The following TBC1D19 variants were observed in gnomAD, a reference collection of about 807,000 sequenced individuals.
TBC1D19 encodes TBC1 domain family member 19, also known as TBC1 domain family, member 19.
Under a neutral mutation model 89.0 loss-of-function variants are expected in TBC1D19, and 60 were observed. The ratio of observed to expected loss-of-function variants is 0.67; its 90% CI spans 0.55 to 0.84. The LOEUF (loss-of-function observed/expected upper bound fraction) is 0.84, where lower values mean the gene tolerates loss of function less well. TBC1D19 is among the 40% of genes least tolerant of loss of function. The pLI is 0.00. For missense variants in TBC1D19, 500 were observed against 610.8 expected (o/e 0.82, Z 1.91); for synonymous variants, 189 against 199.7 (o/e 0.95, Z 0.45).
chr4:26,577,858 T>C (rs915284405), intron 1 of TBC1D19, among the ~76,000 whole-genome samples: 6 of 152,210 alleles, frequency 3.9e-5, no homozygotes, highest in African/African-American at 1.2e-4. Flanking sequence ...TGTTAAAACC[T>C]TTTTATATTA....
intron 1 of TBC1D19, among the ~76,000 whole-genome samples, chr4:26,608,588 T>G (rs1741151205): frequency 6.6e-6 from 1 of 152,160 alleles, no homozygotes; most frequent in South Asian, 2.1e-4. Context: ...TATAGCAACC[T>G]TAAAGTACTG....
chr4:26,855,526 G>T, the TBC1D19 span, among the ~76,000 whole-genome samples: 1 of 152,058 alleles, frequency 6.6e-6, no homozygotes, highest in Non-Finnish European at 1.5e-5. Flanking sequence ...CCTTACGAAG[G>T]GTTTTCGTTT....
At chr4:26,603,482 C>T (rs1740766310) in intron 1 of TBC1D19, among the ~76,000 whole-genome samples, 1 of 152,072 alleles carries the variant, frequency 6.6e-6, no homozygotes. Flanking sequence ...TTTTGGTATA[C>T]TATCAAAGGA....
chr4:26,794,269 A>T, the TBC1D19 span, among the ~76,000 whole-genome samples: 1 of 152,180 alleles, frequency 6.6e-6, no homozygotes, highest in Non-Finnish European at 1.5e-5. Context: ...TTGAAATTAA[A>T]TTTTTTAAAA....
chr4:26,610,624 C>A (rs1465844076), intron 1 of TBC1D19, among the ~76,000 whole-genome samples: 1 of 151,808 alleles, frequency 6.6e-6, no homozygotes, highest in Non-Finnish European at 1.5e-5. Context: ...TCAAGTAGGC[C>A]CTGGTGTCTA....
the TBC1D19 span, among the ~76,000 whole-genome samples, chr4:26,771,590 T>C: frequency 2.0e-4 from 31 of 152,198 alleles, no homozygotes; most frequent in African/African-American, 7.0e-4. Context: ...ACTGCATGAT[T>C]CCACTTATAT....
intron 13 of TBC1D19, among the ~76,000 whole-genome samples, chr4:26,706,336 CTTAT>C: frequency 6.6e-6 from 1 of 152,216 alleles, no homozygotes; most frequent in Middle Eastern, 3.4e-3. Flanking sequence ...ATAGTACTCT[CTTAT>C]AATCCTTTTT....
chr4:26,768,124 T>C, the TBC1D19 span, among the ~76,000 whole-genome samples: 1 of 152,104 alleles, frequency 6.6e-6, no homozygotes, highest in Non-Finnish European at 1.5e-5. Flanking sequence ...AACATGCACA[T>C]GAGGAACCTA....
At chr4:26,839,580 G>C in the TBC1D19 span, among the ~76,000 whole-genome samples, 1 of 140,978 alleles carries the variant, frequency 7.1e-6, no homozygotes, top group Non-Finnish European at 1.6e-5. Flanking sequence ...TCACCCCCCC[G>C]CCCTTTCTGT....
intron 15 of TBC1D19, among the ~76,000 whole-genome samples, chr4:26,729,147 C>G (rs1185548957): frequency 6.6e-6 from 1 of 152,170 alleles, no homozygotes; most frequent in Non-Finnish European, 1.5e-5. Flanking sequence ...TTAGATAATA[C>G]ATCAGAGGCA....
intron 1 of TBC1D19, among the ~76,000 whole-genome samples, chr4:26,594,103 A>G (rs1205353910): frequency 2.6e-5 from 4 of 152,246 alleles, no homozygotes. Context: ...ATGTCCAACA[A>G]TGGTAGACTG....
At chr4:26,642,129 A>G (rs1349782445) in intron 7 of TBC1D19, among the ~76,000 whole-genome samples, 1 of 152,226 alleles carries the variant, frequency 6.6e-6, no homozygotes, top group African/African-American at 2.4e-5. Context: ...CATAACTGTC[A>G]GATTCACCAA....
At chr4:26,819,122 A>AGACAAAAG in the TBC1D19 span, among the ~76,000 whole-genome samples, 2 of 152,188 alleles carry the variant, frequency 1.3e-5, no homozygotes, top group Non-Finnish European at 2.9e-5. Context: ...GACAAAAGAA[A>AGACAAAAG]TCCCCAGCGA....
chr4:26,692,015 G>C (rs1714334126), intron 13 of TBC1D19, among the ~76,000 whole-genome samples: 1 of 152,026 alleles, frequency 6.6e-6, no homozygotes, highest in Non-Finnish European at 1.5e-5. Context: ...AGTCATCAAA[G>C]AAGAAAACAT....
chr4:26,673,709 T>C (rs1712545054), intron 10 of TBC1D19, 67 bp from the exon 11 acceptor site: 1 of 984,436 alleles, frequency 1.0e-6, no homozygotes, highest in African/African-American at 1.6e-5. Context: ...AGATTTATAA[T>C]TGAAGATTTC....
the TBC1D19 span, among the ~76,000 whole-genome samples, chr4:26,765,148 G>A: frequency 6.6e-6 from 1 of 152,114 alleles, no homozygotes; most frequent in Non-Finnish European, 1.5e-5. Context: ...ACTAGTAGGC[G>A]ACAGCAGGAT....
the TBC1D19 span, among the ~76,000 whole-genome samples, chr4:26,811,644 C>T: frequency 6.6e-6 from 1 of 152,250 alleles, no homozygotes; most frequent in African/African-American, 2.4e-5. Flanking sequence ...AGAATGGCTA[C>T]TCCATAGGCA....
downstream of TBC1D19, among the ~76,000 whole-genome samples, chr4:26,760,621 A>C (rs538372154): frequency 9.2e-5 from 14 of 152,104 alleles, no homozygotes; most frequent in Non-Finnish European, 1.6e-4. Context: ...GATGTAGCAT[A>C]TGGTTTGCAA....
At position 26,745,497 on chromosome 4, in the gene TBC1D19, C is replaced by CTTTTTT. The variant is rs71186486; in HGVS notation, c.1320-2891_1320-2886dup. ...GTGCCATGAGGTTTACAATATACTT[C>CTTTTTT]TTTTTTTTTTTTTTTTTTTTTTTTT... is the stretch of plus-strand genomic sequence containing the variant. On this transcript the variant is annotated intron_variant, in intron 18 of 20. Transcript: ENST00000264866. Among the ~76,000 whole-genome samples, 61 of 40,608 alleles carry CTTTTTT rather than the reference C, an allele frequency of 1.5e-3. 18 individuals are homozygous for CTTTTTT. The highest frequency in any genetic ancestry group is 3.8e-3 in the South Asian group (2 of 526). The allele number at this position is 40,608 out of a possible 152,430, so 26.6% of individuals were successfully genotyped here. A position where few individuals can be genotyped will look rare whatever the true frequency, so the allele number is the denominator to read the frequency against.
Sources: gnomAD v4.1 joint callset for allele counts (sites outside exome capture counted in the v4.1 genomes callset) on GRCh38, gnomAD v4.1.1 for gene constraint, MANE v1.5 for transcripts, NCBI Gene and HGNC (gene_info 2026-07-23, HGNC 2026-07-21) for gene names.